The following PPP6R2 variants were observed in gnomAD, a reference collection of about 807,000 sequenced individuals.
PPP6R2 encodes serine/threonine-protein phosphatase 6 regulatory subunit 2.
Under a neutral mutation model 100.2 loss-of-function variants are expected in PPP6R2, and 62 were observed. The ratio of observed to expected loss-of-function variants is 0.62; its 90% CI spans 0.50 to 0.76. PPP6R2 has a LOEUF of 0.76. Among genes scored for constraint, PPP6R2 ranks in the 30% least tolerant of loss-of-function variants. PPP6R2 has a pLI of 0.00. For synonymous variants in PPP6R2, 525 were observed against 514.7 expected, an observed-to-expected ratio of 1.02 and a Z score of -0.27; for missense variants, 1,142 against 1,276.3, an observed-to-expected ratio of 0.89 and a Z score of 1.60.
intron 15 of PPP6R2, 76 bp downstream of exon 15, chr22:50,437,144 CGAGT>C: frequency 7.3e-7 from 1 of 1,365,254 alleles, no homozygotes; most frequent in Non-Finnish European, 1.0e-6. Context: ...GTCCTCCAGA[CGAGT>C]CTGATGGCAT....
intron 2 of PPP6R2, among the ~76,000 whole-genome samples, chr22:50,377,878 G>C (rs117122251): frequency 1.3e-5 from 2 of 151,994 alleles, no homozygotes; most frequent in Non-Finnish European, 2.9e-5. Flanking sequence ...GTGGTGGCAC[G>C]CACCTGTAAT....
At position 50,423,366 on chromosome 22, in the gene PPP6R2, G is replaced by T. The variant is rs949860773; in HGVS notation, c.973-96G>T. 1 of 1,499,334 alleles carries T rather than the reference G, an allele frequency of 6.7e-7. No homozygotes were observed. 92.9% of individuals were successfully genotyped at this position (1,499,334 alleles called of 1,614,324 possible). A position where few individuals can be genotyped will look rare whatever the true frequency, so the allele number is the denominator to read the frequency against. On this transcript the variant is annotated intron_variant, in intron 9 of 23. Coordinates refer to ENST00000612753, the MANE Select transcript of PPP6R2 (RefSeq NM_001242898.2). This position sits in a 1 kb window ranked among gnomAD's most constrained non-coding sequence, Gnocchi z 4.8. ...CCACATACCTCGCTACCCCAGGCTG[G>T]GTCCCAGCCTAGAGTGATGGGCATG...
At chr22:50,381,429 G>A (rs1196890221) in intron 2 of PPP6R2, among the ~76,000 whole-genome samples, 1 of 97,394 alleles carries the variant, frequency 1.0e-5, no homozygotes, top group East Asian at 2.7e-4. Context: ...CCCCACCTCA[G>A]CATCACACGG....
chr22:50,418,966 A>C lies in PPP6R2; in HGVS notation c.718A>C (p.Thr240Pro), dbSNP rs151324259. Residue 240 changes from threonine to proline, a missense_variant, in exon 7 of 24, where the codon ACA (threonine) becomes CCA (proline). Around this residue, in one of 2 missense-constraint regions of PPP6R2, gnomAD observed 592 missense variants for 758.9 expected, o/e 0.78. Coordinates refer to ENST00000612753, the MANE Select transcript of PPP6R2 (RefSeq NM_001242898.2). ...QEALEPDPLL[T>P]ALESQDCVEQ... The stretch of plus-strand genomic sequence containing the variant: ...GGCTCTGGAGCCAGACCCGCTCCTC[A>C]CAGCGCTGGAGTCGTGAGTGCTGGT... 5 of 1,613,092 alleles carry C rather than the reference A, an allele frequency of 3.1e-6. No individual in the cohort carries two copies. The highest frequency in any genetic ancestry group is 1.7e-6 in the Non-Finnish European group (2 of 1,179,300).
chr22:50,361,506 T>G (rs957576836), intron 1 of PPP6R2, among the ~76,000 whole-genome samples: 1 of 152,138 alleles, frequency 6.6e-6, no homozygotes, highest in African/African-American at 2.4e-5. Flanking sequence ...TGTTGGCTCT[T>G]ACTTCTTCTG....
At chr22:50,362,244 C>T (rs748797436) in intron 1 of PPP6R2, among the ~76,000 whole-genome samples, 7 of 152,310 alleles carry the variant, frequency 4.6e-5, no homozygotes, top group Non-Finnish European at 8.8e-5. Flanking sequence ...TAGTGTTGAG[C>T]AGATGGAGGT....
chr22:50,422,187 T>C, intron 8 of PPP6R2, 67 bp from the exon 9 acceptor site: 1 of 1,567,548 alleles, frequency 6.4e-7, no homozygotes, highest in Admixed American at 1.9e-5. Flanking sequence ...GCGGGTGCAC[T>C]GAGTTGCTGG....
intron 13 of PPP6R2, 29 bp downstream of exon 13, chr22:50,435,110 C>G (rs756212163): frequency 1.3e-6 from 2 of 1,483,222 alleles, no homozygotes; most frequent in East Asian, 2.5e-5. Context: ...CATCCTTCTG[C>G]TGGTCGCGGG....
intron 2 of PPP6R2, among the ~76,000 whole-genome samples, chr22:50,383,611 G>A (rs1270752391): frequency 6.6e-6 from 1 of 152,066 alleles, no homozygotes; most frequent in Non-Finnish European, 1.5e-5. Flanking sequence ...TGTTTATGAT[G>A]GAGAATACAT....
upstream of PPP6R2, among the ~76,000 whole-genome samples, chr22:50,339,850 TGTGTG>T: frequency 8.1e-6 from 1 of 124,040 alleles, no homozygotes; most frequent in Admixed American, 8.3e-5. Context: ...GTGTGGTGTG[TGTGTG>T]GTATGTAGTG....
chr22:50,436,777 C>G, intron 14 of PPP6R2, among the ~76,000 whole-genome samples: 1 of 152,224 alleles, frequency 6.6e-6, no homozygotes, highest in East Asian at 1.9e-4. Context: ...CAACCTGCCC[C>G]CTGCACATGG....
chr22:50,432,281 G>A lies in PPP6R2; in HGVS notation c.1352G>A (p.Cys451Tyr). The part of the protein sequence containing the change: ...TMVTHLFQKC[C>Y]LVQRILEAWE... ...GCCCCCCAGCTGTTCCAGAAGTGCT[G>A]CCTGGTGCAGAGGATCCTGGAGGCC... Residue 451 changes from cysteine to tyrosine, a missense_variant, in exon 12 of 24, where the codon TGC becomes TAC. This residue lies in a region of PPP6R2 where 592 missense variants were observed against 758.9 expected (regional missense o/e 0.78). Transcript: ENST00000612753. The A allele has an allele frequency of 6.5e-7, 1 of 1,550,008 alleles. No homozygotes were observed. Among genetic ancestry groups the A allele is most frequent in the South Asian group, 1.2e-5 (1 of 84,016 alleles).
chr22:50,395,434 A>G (rs1320068717), intron 3 of PPP6R2, among the ~76,000 whole-genome samples: 1 of 152,156 alleles, frequency 6.6e-6, no homozygotes, highest in African/African-American at 2.4e-5. Context: ...CGAGGCACAC[A>G]TGACCCGCAG....
intron 22 of PPP6R2, among the ~76,000 whole-genome samples, chr22:50,442,059 GTGCATCCCAGTCA>G (rs1378192502): frequency 6.6e-6 from 1 of 152,174 alleles, no homozygotes; most frequent in African/African-American, 2.4e-5. Flanking sequence ...ACATCTGGTG[GTGCATCCCAGTCA>G]CTCCTGGCTC....
At chr22:50,391,475 A>G (rs1279784844) in intron 2 of PPP6R2, among the ~76,000 whole-genome samples, 1 of 147,170 alleles carries the variant, frequency 6.8e-6, no homozygotes, top group Non-Finnish European at 1.5e-5. Context: ...TTAGCTGGTC[A>G]TGGTATTTCT....
intron 4 of PPP6R2, among the ~76,000 whole-genome samples, chr22:50,408,975 G>A (rs549240740): frequency 2.0e-5 from 3 of 152,324 alleles, no homozygotes; most frequent in East Asian, 1.9e-4. Flanking sequence ...TTAGCCGGGC[G>A]TGGTAGCACA....
intron 1 of PPP6R2, among the ~76,000 whole-genome samples, chr22:50,360,532 T>A (rs1468828131): frequency 2.0e-5 from 3 of 151,980 alleles, no homozygotes; most frequent in Non-Finnish European, 4.4e-5. Flanking sequence ...CTGGCTAATT[T>A]AAAAAAAGGT....
chr22:50,435,124 C>T (rs769284008), intron 13 of PPP6R2, 43 bp downstream of exon 13: 20 of 1,440,734 alleles, frequency 1.4e-5, no homozygotes, highest in African/African-American at 5.8e-5. Flanking sequence ...TCGCGGGCAC[C>T]GGGACCCCGA....
Position 50,438,740 on chromosome 22 carries a change from C to G in PPP6R2, c.2106C>G (p.Pro702=). The G allele has an allele frequency of 1.2e-6, 2 of 1,601,536 alleles. No homozygotes were observed. Among genetic ancestry groups the G allele is most frequent in the Non-Finnish European group, 1.7e-6 (2 of 1,174,276 alleles). ...CGGCCCCCGGGAAGAAGGAAGCGCC[C>G]CCTGTGGAGGGTGACTCAGAAGGTG... is the stretch of plus-strand genomic sequence containing the variant. ...APPAPGKKEA[P]PVEGDSEGAM... The change falls in exon 19 of 24, where the codon CCC becomes CCG. Residue 702 remains proline, a synonymous_variant. Transcript: ENST00000612753.
Sources: allele counts gnomAD v4.1 joint callset (sites outside exome capture counted in the v4.1 genomes callset), GRCh38; gene constraint gnomAD v4.1.1; regional missense constraint gnomAD v4.1.1; non-coding constraint Gnocchi (gnomAD v3.1); transcripts MANE v1.5; gene names NCBI Gene and HGNC (gene_info 2026-07-23, HGNC 2026-07-21).